RNF150: variants seen among roughly 807,000 people sequenced by gnomAD.
RNF150 encodes the protein ring finger protein 150.
In RNF150, 24 loss-of-function variants were observed where a neutral mutation model predicts 39.3. The ratio of observed to expected loss-of-function variants is 0.61; its 90% CI spans 0.44 to 0.86. The LOEUF is 0.86. Among genes scored for constraint, RNF150 ranks in the 40% least tolerant of loss-of-function variants. The pLI is 0.00. For missense variants in RNF150, 502 were observed against 587.8 expected (o/e 0.85, Z 1.51); for synonymous variants, 255 against 227.3 (o/e 1.12, Z -1.10).
intron 1 of RNF150, among the ~76,000 whole-genome samples, chr4:141,029,558 T>C (rs771447678): frequency 6.6e-6 from 1 of 152,218 alleles, no homozygotes; most frequent in Non-Finnish European, 1.5e-5. Flanking sequence ...CTTACTATTG[T>C]TATGGGTTTT....
At chr4:141,016,385 C>G (rs1735273871) in intron 1 of RNF150, among the ~76,000 whole-genome samples, 1 of 152,190 alleles carries the variant, frequency 6.6e-6, no homozygotes, top group African/African-American at 2.4e-5. Context: ...GAAGCAACAC[C>G]AGTACATTTT....
intron 1 of RNF150, among the ~76,000 whole-genome samples, chr4:141,003,767 A>G (rs1734761412): frequency 6.6e-6 from 1 of 152,198 alleles, no homozygotes; most frequent in Non-Finnish European, 1.5e-5. Flanking sequence ...TACAGATGAT[A>G]GAAGTTAAGA....
rs192523750 is a variant in RNF150, at chr4:141,185,926, G to T, written c.-6+26868C>A. 6.2e-4 allele frequency among the ~76,000 whole-genome samples: 94 copies of T among 152,234 alleles called. 1 individual carries two copies. Among genetic ancestry groups the T allele is most frequent in the Admixed American group, 2.5e-3 (38 of 15,290 alleles). ...AGCTTTTTGATGTGCTGCTGGATTT[G>T]GTTTACCAGTATTTTATTGAGGATT... On this transcript the variant is annotated intron_variant, in intron 1 of 7. Transcript: ENST00000420921.
At chr4:141,010,789 C>G (rs957784000) in intron 1 of RNF150, among the ~76,000 whole-genome samples, 1 of 152,104 alleles carries the variant, frequency 6.6e-6, no homozygotes, top group African/African-American at 2.4e-5. Flanking sequence ...AAGATGGACC[C>G]AGGGAGGAGG....
intron 1 of RNF150, among the ~76,000 whole-genome samples, chr4:141,112,873 G>C (rs1252233403): frequency 6.6e-6 from 1 of 152,092 alleles, no homozygotes; most frequent in Non-Finnish European, 1.5e-5. Context: ...ATCAAAGGTA[G>C]TTTTGGTCTT....
At chr4:141,120,196 A>G (rs1169343795) in intron 1 of RNF150, among the ~76,000 whole-genome samples, 1 of 152,224 alleles carries the variant, frequency 6.6e-6, no homozygotes, top group East Asian at 1.9e-4. Context: ...ATGAAATTAT[A>G]TAGAAATTTC....
At chr4:141,026,877 C>T (rs1480534798) in intron 1 of RNF150, among the ~76,000 whole-genome samples, 5 of 152,140 alleles carry the variant, frequency 3.3e-5, no homozygotes, top group African/African-American at 4.8e-5. Flanking sequence ...AAGTTGCGAT[C>T]TTTCAATAGT....
At chr4:140,965,782 G>C (rs1733216076) in intron 2 of RNF150, among the ~76,000 whole-genome samples, 1 of 151,898 alleles carries the variant, frequency 6.6e-6, no homozygotes, top group Non-Finnish European at 1.5e-5. Context: ...GGGAGATTTA[G>C]GTCAAAGGAT....
At chr4:141,169,766 C>CT (rs536415614) in intron 1 of RNF150, among the ~76,000 whole-genome samples, 201 of 148,184 alleles carry the variant, frequency 1.4e-3, no homozygotes, top group African/African-American at 3.7e-3. Flanking sequence ...ATTTGCCATT[C>CT]TTTTTTTTTT....
chr4:141,019,293 C>T (rs1735397685), intron 1 of RNF150, among the ~76,000 whole-genome samples: 1 of 151,774 alleles, frequency 6.6e-6, no homozygotes, highest in African/African-American at 2.4e-5. Context: ...ATCTTATAAT[C>T]ATCAAGAAAA....
chr4:141,152,540 G>T (rs1380472906), intron 1 of RNF150, among the ~76,000 whole-genome samples: 1 of 151,864 alleles, frequency 6.6e-6, no homozygotes, highest in Non-Finnish European at 1.5e-5. Context: ...CATGAAAAAA[G>T]GTAAAATTTA....
intron 6 of RNF150, among the ~76,000 whole-genome samples, chr4:140,895,117 C>T (rs1380143067): frequency 6.6e-6 from 1 of 152,134 alleles, no homozygotes; most frequent in African/African-American, 2.4e-5. Flanking sequence ...TGGTTTTCTC[C>T]CACTCCCTTT....
At chr4:141,140,160 G>A (rs878927763) in intron 1 of RNF150, among the ~76,000 whole-genome samples, 2 of 152,078 alleles carry the variant, frequency 1.3e-5, no homozygotes, top group Admixed American at 1.3e-4. Context: ...TTTTGGAAAC[G>A]TTTTTTTAGA....
At chr4:141,040,242 C>T (rs866655064) in intron 1 of RNF150, among the ~76,000 whole-genome samples, 1 of 152,006 alleles carries the variant, frequency 6.6e-6, no homozygotes, top group South Asian at 2.1e-4. Context: ...CAGGCTATCC[C>T]AGAAGATGAA....
Position 141,180,080 on chromosome 4 carries a change from T to C in RNF150, c.-6+32714A>G, listed in dbSNP as rs551114164. On this transcript the variant is annotated intron_variant, in intron 1 of 7. Transcript: ENST00000420921. ...AAATAACAGACTGTCTGACTGATTG[T>C]TGTTTAAACTGGAGATGATTTTTCT... Among the ~76,000 whole-genome samples, 8 of 152,334 alleles carry C rather than the reference T, an allele frequency of 5.3e-5. 1 individual carries two copies. In the South Asian group the frequency reaches 1.0e-3, roughly 20 times the overall value.
chr4:140,890,519 G>A (rs142960529), intron 6 of RNF150, among the ~76,000 whole-genome samples: 8 of 152,282 alleles, frequency 5.3e-5, no homozygotes, highest in Middle Eastern at 3.4e-3. Flanking sequence ...GAGGTAATTA[G>A]GTTTAGATGT....
chr4:141,172,484 C>G (rs1454336195), intron 1 of RNF150, among the ~76,000 whole-genome samples: 3 of 151,924 alleles, frequency 2.0e-5, no homozygotes, highest in Non-Finnish European at 4.4e-5. Flanking sequence ...TCCCTATACA[C>G]ACATTTGCCA....
At chr4:140,971,715 A>AT (rs201411973) in intron 1 of RNF150, among the ~76,000 whole-genome samples, 1,532 of 152,268 alleles carry the variant, frequency 0.01, 17 homozygotes, top group Non-Finnish European at 0.017. Flanking sequence ...CTAATTTGGT[A>AT]TATGCAGATT....
chr4:141,140,855 C>T (rs1727107073), intron 1 of RNF150, among the ~76,000 whole-genome samples: 1 of 152,168 alleles, frequency 6.6e-6, no homozygotes, highest in Non-Finnish European at 1.5e-5. Flanking sequence ...GGCCCATTCC[C>T]ACAGGGCTGG....
Sources: gnomAD v4.1 joint callset for allele counts (sites outside exome capture counted in the v4.1 genomes callset) on GRCh38, gnomAD v4.1.1 for gene constraint, MANE v1.5 for transcripts, NCBI Gene and HGNC (gene_info 2026-07-23, HGNC 2026-07-21) for gene names.